Variants in CSNK1G3 observed in about 807,000 individuals in gnomAD.
CSNK1G3 encodes casein kinase 1 gamma 3.
A neutral mutation model predicts 64.3 loss-of-function variants in CSNK1G3; 23 were observed. The ratio of observed to expected loss-of-function variants is 0.36; its 90% CI spans 0.26 to 0.51. The LOEUF is 0.51. Ranked by LOEUF, CSNK1G3 falls within the 20% of genes least tolerant of loss-of-function variation. CSNK1G3 has a pLI of 0.96. For missense variants in CSNK1G3, 357 were observed against 510.5 expected (o/e 0.70, Z 2.90); for synonymous variants, 158 against 162.2 (o/e 0.97, Z 0.20).
intron 1 of CSNK1G3, among the ~76,000 whole-genome samples, chr5:123,518,219 C>G (rs372780250): frequency 6.6e-6 from 1 of 152,198 alleles, no homozygotes; most frequent in East Asian, 1.9e-4. Context: ...GCACTTGAGC[C>G]TCCTATCTCA....
At chr5:123,570,981 G>T (rs1028652003) in intron 4 of CSNK1G3, among the ~76,000 whole-genome samples, 1 of 152,202 alleles carries the variant, frequency 6.6e-6, no homozygotes, top group African/African-American at 2.4e-5. Context: ...GGATTTTAGA[G>T]TTGGAATAAA....
chr5:123,519,912 T>C (rs1164216660), intron 1 of CSNK1G3, among the ~76,000 whole-genome samples: 1 of 152,230 alleles, frequency 6.6e-6, no homozygotes, highest in African/African-American at 2.4e-5. Flanking sequence ...ACAGTTTTGC[T>C]CAGGACTGTG....
intron 4 of CSNK1G3, among the ~76,000 whole-genome samples, chr5:123,561,906 C>T (rs1231814339): frequency 6.6e-6 from 1 of 152,122 alleles, no homozygotes; most frequent in Non-Finnish European, 1.5e-5. Context: ...AAAGTTCTGT[C>T]AATTTTGTCT....
chr5:123,593,102 A>G (rs1313995340), intron 10 of CSNK1G3, among the ~76,000 whole-genome samples: 1 of 151,852 alleles, frequency 6.6e-6, no homozygotes, highest in Non-Finnish European at 1.5e-5. Flanking sequence ...CATCTTTCAG[A>G]CATGTCTTGC....
chr5:123,549,447 A>C (rs766362365), intron 2 of CSNK1G3, among the ~76,000 whole-genome samples: 5 of 151,430 alleles, frequency 3.3e-5, no homozygotes, highest in Non-Finnish European at 7.4e-5. Context: ...ACCAATCCAC[A>C]CTCCTTTTCT....
exon 13 of CSNK1G3, chr5:123,616,306 T>G (rs1426995925): frequency 6.6e-6 from 1 of 152,630 alleles, no homozygotes; most frequent in African/African-American, 2.4e-5. Flanking sequence ...AACTTGTGTG[T>G]CTATGATATT....
At chr5:123,613,616 C>T (rs1024973016) in intron 12 of CSNK1G3, among the ~76,000 whole-genome samples, 1 of 152,052 alleles carries the variant, frequency 6.6e-6, no homozygotes, top group Admixed American at 6.6e-5. Context: ...AAGCAATCCT[C>T]CTGCCTCGGC....
chr5:123,576,554 A>T (rs978334984), intron 6 of CSNK1G3, among the ~76,000 whole-genome samples: 1 of 152,132 alleles, frequency 6.6e-6, no homozygotes, highest in Non-Finnish European at 1.5e-5. Flanking sequence ...CATATTTATC[A>T]TATCCCTTAA....
exon 2 of CSNK1G3, chr5:123,545,650 A>G: frequency 1.9e-6 from 3 of 1,608,676 alleles, no homozygotes; most frequent in Non-Finnish European, 2.6e-6. Flanking sequence ...AAAGTGGAGT[A>G]CCGCAAACTT....
At chr5:123,518,060 C>T (rs1173986924) in intron 1 of CSNK1G3, among the ~76,000 whole-genome samples, 6 of 151,996 alleles carry the variant, frequency 3.9e-5, no homozygotes. Context: ...AATCTGATTT[C>T]ATAAGCTACC....
chr5:123,605,401 G>A (rs1795190718), intron 12 of CSNK1G3, 39 bp downstream of exon 13: 1 of 1,600,064 alleles, frequency 6.2e-7, no homozygotes, highest in Non-Finnish European at 8.5e-7. Flanking sequence ...TAGCTCCATT[G>A]ACTGTAATTT....
chr5:123,579,215 C>A (rs927177413), intron 6 of CSNK1G3, among the ~76,000 whole-genome samples: 1 of 151,576 alleles, frequency 6.6e-6, no homozygotes, highest in Admixed American at 6.6e-5. Flanking sequence ...TCTTTCCTAA[C>A]AGCTGACCTG....
chr5:123,517,343 C>T (rs1777353248), intron 1 of CSNK1G3, among the ~76,000 whole-genome samples: 1 of 151,964 alleles, frequency 6.6e-6, no homozygotes, highest in Non-Finnish European at 1.5e-5. Flanking sequence ...GTGTTTGTAC[C>T]CAACACACTG....
At chr5:123,513,798 G>C (rs1212756650) in intron 1 of CSNK1G3, among the ~76,000 whole-genome samples, 1 of 152,108 alleles carries the variant, frequency 6.6e-6, no homozygotes, top group Non-Finnish European at 1.5e-5. Flanking sequence ...TACAGAAATT[G>C]TGAGAATAAT....
chr5:123,515,551 G>A (rs918787612), intron 1 of CSNK1G3, among the ~76,000 whole-genome samples: 6 of 151,998 alleles, frequency 3.9e-5, no homozygotes, highest in Admixed American at 2.6e-4. Context: ...TCACAGTTCG[G>A]GATTAACGTG....
intron 6 of CSNK1G3, among the ~76,000 whole-genome samples, chr5:123,577,356 T>A (rs1789372835): frequency 1.3e-5 from 2 of 152,076 alleles, no homozygotes; most frequent in Non-Finnish European, 2.9e-5. Context: ...GAAATGTTTG[T>A]GCATATATGT....
At chr5:123,584,547 G>A (rs1448443019) in intron 6 of CSNK1G3, among the ~76,000 whole-genome samples, 4 of 152,062 alleles carry the variant, frequency 2.6e-5, no homozygotes, top group Non-Finnish European at 4.4e-5. Context: ...TTTCATGTTT[G>A]TGTTTATGAG....
intron 2 of CSNK1G3, among the ~76,000 whole-genome samples, chr5:123,547,461 G>A (rs1782751908): frequency 6.6e-6 from 1 of 152,118 alleles, no homozygotes; most frequent in African/African-American, 2.4e-5. Flanking sequence ...GTGTGTGTGT[G>A]TGTGTATTCA....
At chr5:123,523,809 C>T (rs1256142232) in intron 1 of CSNK1G3, among the ~76,000 whole-genome samples, 1 of 152,166 alleles carries the variant, frequency 6.6e-6, no homozygotes, top group African/African-American at 2.4e-5. Context: ...GATTTTTTCA[C>T]AAAATCTGTT....
Sources: gnomAD v4.1 joint callset for allele counts (sites outside exome capture counted in the v4.1 genomes callset) on GRCh38, gnomAD v4.1.1 for gene constraint, MANE v1.5 for transcripts, NCBI Gene and HGNC (gene_info 2026-07-23, HGNC 2026-07-21) for gene names.